Variants in GET1 observed in about 807,000 individuals in gnomAD.
GET1 encodes congenital heart disease 5 protein.
Under a neutral mutation model 22.6 loss-of-function variants are expected in GET1, and 20 were observed. The ratio of observed to expected loss-of-function variants is 0.89; its 90% CI spans 0.62 to 1.29. The LOEUF (loss-of-function observed/expected upper bound fraction) is 1.29, where lower values mean the gene tolerates loss of function less well. Among genes scored for constraint, GET1 ranks in the 50% most tolerant of loss-of-function variants. The probability of loss-of-function intolerance (pLI) is 0.00; values close to 1 mark genes in which losing one functional copy is unlikely to be tolerated. For synonymous variants in GET1, 92 were observed against 83.8 expected (o/e 1.10, Z -0.53); for missense variants, 209 against 219.9 (o/e 0.95, Z 0.31).
intron 3 of GET1, 179 bp from the exon 4 acceptor site, chr21:39,392,987 C>A: frequency 1.8e-6 from 1 of 555,012 alleles, no homozygotes; most frequent in East Asian, 2.9e-5. Context: ...AAGGTTTCAC[C>A]AAGGGACATT....
chr21:39,386,714 T>C (rs1451448767), intron 1 of GET1, among the ~76,000 whole-genome samples: 1 of 152,232 alleles, frequency 6.6e-6, no homozygotes, highest in Admixed American at 6.5e-5. Context: ...TCACTTTTGT[T>C]CTAAAAATTA....
downstream of GET1, among the ~76,000 whole-genome samples, chr21:39,402,318 T>C (rs368394533): frequency 3.8e-3 from 578 of 152,308 alleles, no homozygotes; most frequent in African/African-American, 0.014. Flanking sequence ...TTGGCCAGGC[T>C]GATCTCGAAC....
At chr21:39,387,019 C>G (rs1601606393) in intron 1 of GET1, among the ~76,000 whole-genome samples, 1 of 151,980 alleles carries the variant, frequency 6.6e-6, no homozygotes, top group East Asian at 1.9e-4. Context: ...ACCACCACAC[C>G]TGACTAATTT....
intron 2 of GET1, 148 bp from the exon 3 acceptor site, chr21:39,391,621 T>C: frequency 1.3e-6 from 1 of 793,488 alleles, no homozygotes; most frequent in South Asian, 1.7e-5. Context: ...ACTTAAAAAT[T>C]CTATTTTATA....
intron 1 of GET1, among the ~76,000 whole-genome samples, chr21:39,417,932 A>AT (rs2041557893): frequency 6.6e-6 from 1 of 151,970 alleles, no homozygotes; most frequent in African/African-American, 2.4e-5. Context: ...TGCCTGGTTA[A>AT]TTTTTTGTAT....
chr21:39,410,879 A>T (rs1363651796), downstream of GET1: 1 of 471,058 alleles, frequency 2.1e-6, no homozygotes, highest in Non-Finnish European at 4.4e-6. Flanking sequence ...CAGGCAAGGA[A>T]ATTTGAGGTT....
chr21:39,406,081 G>A, exon 5 of GET1: 8 of 1,614,156 alleles, frequency 5.0e-6, no homozygotes, highest in Non-Finnish European at 6.8e-6. Context: ...GACATAGCCT[G>A]ATCCAAAGAG....
downstream of GET1, among the ~76,000 whole-genome samples, chr21:39,401,798 A>G (rs2038846306): frequency 1.3e-5 from 2 of 151,918 alleles, no homozygotes; most frequent in Admixed American, 1.3e-4. Context: ...TTTTTTCGTT[A>G]TTATATGTTA....
At chr21:39,400,127 C>G (rs192888777), downstream of GET1, among the ~76,000 whole-genome samples, 3 of 152,228 alleles carry the variant, frequency 2.0e-5, no homozygotes, top group East Asian at 3.9e-4. Context: ...CTCTGGCCTT[C>G]CATAGTTTTT....
chr21:39,390,048 T>TG (rs1353671024), intron 1 of GET1, among the ~76,000 whole-genome samples: 15 of 151,086 alleles, frequency 9.9e-5, no homozygotes, highest in African/African-American at 3.7e-4. Context: ...ATGAGTTTTT[T>TG]TTTTTTTTTT....
At chr21:39,393,133 A>G (rs777323870) in intron 3 of GET1, 33 bp from the exon 4 acceptor site, 2 of 1,580,460 alleles carry the variant, frequency 1.3e-6, no homozygotes, top group East Asian at 2.2e-5. Context: ...TGTGATTGGC[A>G]GGCTGCTTTG....
At chr21:39,401,160 C>G (rs980189079), downstream of GET1, among the ~76,000 whole-genome samples, 2 of 152,086 alleles carry the variant, frequency 1.3e-5, no homozygotes, top group Non-Finnish European at 2.9e-5. Context: ...AGTAATCCTC[C>G]TGCCTCAGCC....
chr21:39,395,344 A>G (rs890103916), intron 4 of GET1, among the ~76,000 whole-genome samples: 2 of 150,248 alleles, frequency 1.3e-5, no homozygotes, highest in Admixed American at 6.7e-5. Context: ...GTTAGAGGTG[A>G]ATACTGTATC....
chr21:39,391,376 C>CTGTCT, intron 2 of GET1: 1 of 264,298 alleles, frequency 3.8e-6, no homozygotes, highest in South Asian at 4.0e-5. Context: ...GCTAGGAAAA[C>CTGTCT]AGACAGAGGG....
chr21:39,406,697 C>A, downstream of GET1: 1 of 1,002,846 alleles, frequency 1.0e-6, no homozygotes, highest in Non-Finnish European at 1.5e-6. Flanking sequence ...CACTTACGTG[C>A]ACCGCCTCAC....
intron 1 of GET1, among the ~76,000 whole-genome samples, chr21:39,421,273 T>C (rs2042268333): frequency 6.6e-6 from 1 of 152,070 alleles, no homozygotes; most frequent in South Asian, 2.1e-4. Flanking sequence ...GGATAATTTT[T>C]GTATTTTTAG....
chr21:39,381,875 C>A (rs962860472), intron 1 of GET1, among the ~76,000 whole-genome samples: 3 of 151,496 alleles, frequency 2.0e-5, no homozygotes, highest in African/African-American at 7.3e-5. Flanking sequence ...GTAGCTGGGA[C>A]CACAGGCATG....
chr21:39,397,113 T>A lies in GET1; in HGVS notation c.*174T>A. ...AGAGAGTCTTATAAGAATCACGATTTTCTACACCTGTCATTGAGCCAAGAA... is the reference window on the plus strand; with the variant it reads ...AGAGAGTCTTATAAGAATCACGATTATCTACACCTGTCATTGAGCCAAGAA... On this transcript the variant is annotated 3_prime_UTR_variant, in exon 5 of 5. Coordinates refer to ENST00000649170, the MANE Select transcript of GET1 (RefSeq NM_004627.6). 1.5e-6 allele frequency: 1 copy of A among 671,664 alleles called. No individual in the cohort carries two copies. Among genetic ancestry groups the A allele is most frequent in the East Asian group, 2.8e-5 (1 of 36,358 alleles). The allele number at this position is 671,664 out of a possible 1,614,324, so 41.6% of individuals were successfully genotyped here.
chr21:39,395,247 A>G (rs752580149), intron 4 of GET1, among the ~76,000 whole-genome samples: 4 of 151,966 alleles, frequency 2.6e-5, no homozygotes, highest in Non-Finnish European at 2.9e-5. Context: ...CTGATGAAGG[A>G]TATTTATTCC....
Sources: allele counts gnomAD v4.1 joint callset (sites outside exome capture counted in the v4.1 genomes callset), GRCh38; gene constraint gnomAD v4.1.1; transcripts MANE v1.5; gene names NCBI Gene and HGNC (gene_info 2026-07-23, HGNC 2026-07-21).